Variants in KIT observed in about 807,000 individuals in gnomAD.
KIT encodes the protein mast/stem cell growth factor receptor Kit.
KIT carries 16 observed loss-of-function variants against 105.7 expected under a neutral mutation model. That is an observed-to-expected ratio of 0.15 (90% CI 0.10 to 0.23). KIT has a LOEUF of 0.23. Ranked by LOEUF, KIT falls within the 10% of genes least tolerant of loss-of-function variation. The pLI is 1.00. For synonymous variants in KIT, 438 were observed against 441.1 expected, an observed-to-expected ratio of 0.99 and a Z score of 0.09; for missense variants, 858 against 1,213.8, an observed-to-expected ratio of 0.71 and a Z score of 4.36.
At chr4:54,701,440 G>A (rs1720446367) in intron 4 of KIT, among the ~76,000 whole-genome samples, 1 of 152,094 alleles carries the variant, frequency 6.6e-6, no homozygotes, top group South Asian at 2.1e-4. Flanking sequence ...ATGTAATTTA[G>A]GGTAAAATGA....
At chr4:54,714,366 G>GT (rs5858291) in intron 7 of KIT, among the ~76,000 whole-genome samples, 87 of 150,988 alleles carry the variant, frequency 5.8e-4, no homozygotes, top group South Asian at 3.6e-3. Flanking sequence ...ACACAATGAG[G>GT]TTTTTTTTTG....
intron 1 of KIT, among the ~76,000 whole-genome samples, chr4:54,693,358 G>T (rs1719842195): frequency 6.6e-6 from 1 of 152,070 alleles, no homozygotes; most frequent in Non-Finnish European, 1.5e-5. Flanking sequence ...CTTCCTGGTG[G>T]TTCTTTTTCT....
At chr4:54,695,867 CAT>C in intron 2 of KIT, 86 bp downstream of exon 2, 1 of 1,508,252 alleles carries the variant, frequency 6.6e-7, no homozygotes, top group Non-Finnish European at 9.2e-7. Context: ...ATGACTGAGC[CAT>C]AGATAAAATA....
rs1294791535 is a variant in KIT at position 54,665,510 on chromosome 4, GAC to G, written c.67+7432_67+7433del. On this transcript the variant is annotated intron_variant, in intron 1 of 20. Coordinates refer to ENST00000288135, the MANE Select transcript of KIT (RefSeq NM_000222.3). Reference sequence around the variant, plus strand: ...CTTTGGAAAGAAAGCGCCCTTAAGAGACACGAGGAGGATAAAGGTGCAGGTCT... The same window carrying G: ...CTTTGGAAAGAAAGCGCCCTTAAGAGACGAGGAGGATAAAGGTGCAGGTCT... 2.6e-5 allele frequency among the ~76,000 whole-genome samples: 4 copies of G among 152,254 alleles called. No individual in the cohort carries two copies. In the East Asian group the frequency reaches 7.7e-4, roughly 29 times the overall value.
intron 7 of KIT, among the ~76,000 whole-genome samples, chr4:54,716,623 T>G (rs1288784901): frequency 6.6e-6 from 1 of 152,200 alleles, no homozygotes; most frequent in African/African-American, 2.4e-5. Flanking sequence ...TTTTGGCATC[T>G]CAGTGTATGG....
At chr4:54,711,593 A>G (rs1413113426) in intron 7 of KIT, among the ~76,000 whole-genome samples, 1 of 152,228 alleles carries the variant, frequency 6.6e-6, no homozygotes, top group East Asian at 1.9e-4. Flanking sequence ...CAATTCAAGT[A>G]TCTCTAGATT....
chr4:54,696,185 A>G (rs1720052114), intron 2 of KIT, among the ~76,000 whole-genome samples: 1 of 152,152 alleles, frequency 6.6e-6, no homozygotes, highest in Non-Finnish European at 1.5e-5. Context: ...CGACACTTCG[A>G]AAGATGTGGC....
rs2109673388 is a variant in KIT, at chr4:54,698,438, T to C, written c.492T>C (p.Pro164=). The change falls in exon 3 of 21, where the codon CCT becomes CCC. Residue 164 remains proline (P), a synonymous_variant. Coordinates refer to ENST00000288135, the MANE Select transcript of KIT (RefSeq NM_000222.3). ...KPLPKDLRFI[P]DPKAGIMIKS... Reference sequence around the variant, plus strand: ...TTCCCAAGGACTTGAGGTTTATTCCTGACCCCAAGGCGGGCATCATGATCA... The same window carrying C: ...TTCCCAAGGACTTGAGGTTTATTCCCGACCCCAAGGCGGGCATCATGATCA... The C allele has an allele frequency of 1.2e-6, 2 of 1,614,176 alleles. No homozygotes were observed. Among genetic ancestry groups the C allele is most frequent in the Non-Finnish European group, 1.7e-6 (2 of 1,180,032 alleles).
chr4:54,700,566 T>C (rs1720392621), intron 4 of KIT, among the ~76,000 whole-genome samples: 2 of 152,364 alleles, frequency 1.3e-5, no homozygotes, highest in Admixed American at 1.3e-4. Context: ...TCAGTAATTT[T>C]TGTTTGAATA....
intron 1 of KIT, among the ~76,000 whole-genome samples, chr4:54,668,066 T>C (rs906480940): frequency 2.0e-5 from 3 of 152,206 alleles, no homozygotes; most frequent in Admixed American, 6.5e-5. Flanking sequence ...AGTTTATTCA[T>C]TGAAGCAAAG....
intron 7 of KIT, among the ~76,000 whole-genome samples, chr4:54,711,156 C>T (rs1010369638): frequency 1.3e-5 from 2 of 152,140 alleles, no homozygotes; most frequent in Non-Finnish European, 2.9e-5. Flanking sequence ...ACTGGGATTA[C>T]AGGAGTGAGC....
intron 7 of KIT, among the ~76,000 whole-genome samples, chr4:54,720,279 G>A (rs1368208454): frequency 6.6e-6 from 1 of 152,102 alleles, no homozygotes; most frequent in Non-Finnish European, 1.5e-5. Context: ...GCCAACCTAA[G>A]GCCAGCAGGA....
intron 1 of KIT, among the ~76,000 whole-genome samples, chr4:54,672,204 G>C (rs943001309): frequency 6.6e-6 from 1 of 152,170 alleles, no homozygotes; most frequent in Non-Finnish European, 1.5e-5. Context: ...CAGTTGTCCT[G>C]TGCAGCTTTT....
At chr4:54,665,531 C>A (rs1388727956) in intron 1 of KIT, among the ~76,000 whole-genome samples, 1 of 152,072 alleles carries the variant, frequency 6.6e-6, no homozygotes, top group Admixed American at 6.5e-5. Flanking sequence ...GATAAAGGTG[C>A]AGGTCTTCTC....
At chr4:54,659,215 A>G (rs1442819441) in intron 1 of KIT, among the ~76,000 whole-genome samples, 3 of 152,190 alleles carry the variant, frequency 2.0e-5, no homozygotes, top group Admixed American at 6.5e-5. Context: ...TCTTAAAGCT[A>G]TAACAGAAAT....
chr4:54,706,280 A>G (rs1262099282), intron 5 of KIT, among the ~76,000 whole-genome samples: 1 of 152,182 alleles, frequency 6.6e-6, no homozygotes, highest in African/African-American at 2.4e-5. Context: ...GCCAATTTAC[A>G]GTGTGTAATT....
chr4:54,665,960 T>C (rs1717657714), intron 1 of KIT, among the ~76,000 whole-genome samples: 1 of 152,204 alleles, frequency 6.6e-6, no homozygotes. Context: ...AAAAGGAGTG[T>C]ATACTAGGAA....
chr4:54,680,405 TA>T lies in KIT; in HGVS notation c.68-15105del, dbSNP rs11432313. On this transcript the variant is annotated intron_variant, in intron 1 of 20. Transcript: ENST00000288135. ...TCGTCCTTTTTTTTTTTTTTTTTTT[TA>T]ATGAGAAGGAGTTTTGCTCTTGTTG... 5.8e-3 allele frequency among the ~76,000 whole-genome samples: 860 copies of T among 147,496 alleles called. 30 individuals carry two copies. The highest frequency in any genetic ancestry group is 0.02 in the African/African-American group (791 of 39,170).
intron 13 of KIT, among the ~76,000 whole-genome samples, chr4:54,728,996 A>G (rs1722415400): frequency 6.6e-6 from 1 of 152,064 alleles, no homozygotes; most frequent in Admixed American, 6.5e-5. Context: ...GCCCTGCTGT[A>G]AACAGAAGTG....
Sources: allele counts gnomAD v4.1 joint callset (sites outside exome capture counted in the v4.1 genomes callset), GRCh38; gene constraint gnomAD v4.1.1; transcripts MANE v1.5; gene names NCBI Gene and HGNC (gene_info 2026-07-23, HGNC 2026-07-21).